Variants in AGMO observed in about 807,000 individuals in gnomAD.
AGMO encodes glyceryl-ether monooxygenase.
AGMO carries 75 observed loss-of-function variants against 60.2 expected under a neutral mutation model. The observed-to-expected ratio is 1.25, with a 90% confidence interval of 1.03 to 1.51. The LOEUF is 1.51. AGMO is among the 40% of genes most tolerant of loss of function. The pLI is 0.00. For synonymous variants in AGMO, 261 were observed against 177.1 expected, an observed-to-expected ratio of 1.47 and a Z score of -3.76; for missense variants, 763 against 525.5, an observed-to-expected ratio of 1.45 and a Z score of -4.42.
intron 12 of AGMO, among the ~76,000 whole-genome samples, chr7:15,229,780 C>A (rs1042816365): frequency 1.4e-5 from 2 of 147,524 alleles, no homozygotes; most frequent in African/African-American, 4.9e-5. Context: ...ATTATTAGAT[C>A]AAAGTATTTG....
At chr7:15,548,057 C>A (rs1330116792) in intron 2 of AGMO, among the ~76,000 whole-genome samples, 1 of 151,702 alleles carries the variant, frequency 6.6e-6, no homozygotes, top group Non-Finnish European at 1.5e-5. Context: ...CAGGGGCACA[C>A]TGACACCTCA....
intron 11 of AGMO, 75 bp downstream of exon 11, chr7:15,366,065 C>T (rs114365486): frequency 0.09 from 95,863 of 1,060,152 alleles, 5,012 homozygotes; most frequent in South Asian, 0.1. Context: ...ACATAATATA[C>T]TGGTATTTTA....
chr7:15,294,234 ATAT>A (rs66526471), intron 12 of AGMO, among the ~76,000 whole-genome samples: 3,485 of 152,122 alleles, frequency 0.023, 122 homozygotes, highest in African/African-American at 0.08. Flanking sequence ...TTTTCTAAAG[ATAT>A]TATCACATAT....
At chr7:15,351,970 T>G (rs1481141864) in intron 12 of AGMO, among the ~76,000 whole-genome samples, 1 of 152,202 alleles carries the variant, frequency 6.6e-6, no homozygotes, top group Non-Finnish European at 1.5e-5. Context: ...AGATAGCATT[T>G]ACATTAGAAT....
chr7:15,247,480 G>GGA (rs1554401101), intron 12 of AGMO, among the ~76,000 whole-genome samples: 92 of 66,370 alleles, frequency 1.4e-3, no homozygotes, highest in Non-Finnish European at 2.5e-3. Context: ...AGAGAGAGAG[G>GGA]GAGAGAGAGG....
intron 12 of AGMO, among the ~76,000 whole-genome samples, chr7:15,224,443 T>TTC (rs140122730): frequency 1.7e-3 from 255 of 151,036 alleles, no homozygotes; most frequent in African/African-American, 5.7e-3. Flanking sequence ...TGTCCTCTCT[T>TTC]TCTCTCTCTC....
chr7:15,395,016 C>G (rs1490559263), intron 5 of AGMO, among the ~76,000 whole-genome samples: 2 of 152,088 alleles, frequency 1.3e-5, no homozygotes, highest in Non-Finnish European at 1.5e-5. Context: ...TATAGCAGCC[C>G]AGATGTAAGA....
the AGMO span, among the ~76,000 whole-genome samples, chr7:15,170,739 G>A: frequency 6.6e-6 from 1 of 151,962 alleles, no homozygotes; most frequent in Non-Finnish European, 1.5e-5. Flanking sequence ...TATCACCTTA[G>A]TTTTTTCCTC....
chr7:15,511,710 A>G (rs1783677548), intron 3 of AGMO, among the ~76,000 whole-genome samples: 1 of 152,254 alleles, frequency 6.6e-6, no homozygotes, highest in African/African-American at 2.4e-5. Context: ...CATTTCACAA[A>G]GTATACATGT....
chr7:15,540,127 T>C (rs755969110), intron 3 of AGMO, among the ~76,000 whole-genome samples: 6 of 152,038 alleles, frequency 3.9e-5, no homozygotes, highest in Non-Finnish European at 7.4e-5. Flanking sequence ...CTACTGCCTA[T>C]AGAACTGAGG....
intron 5 of AGMO, among the ~76,000 whole-genome samples, chr7:15,410,689 T>C (rs993718380): frequency 1.3e-5 from 2 of 151,860 alleles, no homozygotes; most frequent in African/African-American, 2.4e-5. Context: ...TTTTTAGTAC[T>C]TTCTATGTGA....
At chr7:15,272,640 T>C (rs530698621) in intron 12 of AGMO, among the ~76,000 whole-genome samples, 3 of 152,262 alleles carry the variant, frequency 2.0e-5, no homozygotes, top group Non-Finnish European at 4.4e-5. Flanking sequence ...TTTGGGTATA[T>C]ACCCAGTAAT....
chr7:15,518,785 A>G (rs1428576825), intron 3 of AGMO, among the ~76,000 whole-genome samples: 1 of 152,042 alleles, frequency 6.6e-6, no homozygotes, highest in Non-Finnish European at 1.5e-5. Context: ...ACTCCTCGCC[A>G]GCAAGGAAAC....
chr7:15,225,361 G>C (rs1291515404), intron 12 of AGMO, among the ~76,000 whole-genome samples: 14 of 151,766 alleles, frequency 9.2e-5, no homozygotes, highest in Non-Finnish European at 7.4e-5. Context: ...ATTTTCTTAT[G>C]ATATGTTTTT....
chr7:15,509,091 C>G (rs1311903098), intron 3 of AGMO, among the ~76,000 whole-genome samples: 4 of 152,110 alleles, frequency 2.6e-5, no homozygotes, highest in African/African-American at 7.2e-5. Context: ...TAAAAGGAAC[C>G]AGTAGTGTTG....
chr7:15,447,828 A>C (rs1781742687), intron 3 of AGMO, among the ~76,000 whole-genome samples: 1 of 152,116 alleles, frequency 6.6e-6, no homozygotes, highest in African/African-American at 2.4e-5. Context: ...ACTGGAGTAT[A>C]GGCGTGAGCC....
At chr7:15,167,642 C>T in the AGMO span, among the ~76,000 whole-genome samples, 2 of 152,158 alleles carry the variant, frequency 1.3e-5, no homozygotes, top group African/African-American at 4.8e-5. Flanking sequence ...TCTAAGATTG[C>T]AGGGCTAAGA....
chr7:15,370,756 TCTGGTTAAGTTC>T (rs760370231), intron 10 of AGMO, among the ~76,000 whole-genome samples: 14 of 152,180 alleles, frequency 9.2e-5, no homozygotes, highest in Non-Finnish European at 1.8e-4. Context: ...TTCTTGTTGA[TCTGGTTAAGTTC>T]CTTATAGATT....
chr7:15,349,692 C>A (rs1335797471), intron 12 of AGMO, among the ~76,000 whole-genome samples: 1 of 152,128 alleles, frequency 6.6e-6, no homozygotes, highest in Admixed American at 6.6e-5. Context: ...TTAATTGACT[C>A]ACAGTTCTGC....
Sources: gnomAD v4.1 joint callset for allele counts (sites outside exome capture counted in the v4.1 genomes callset) on GRCh38, gnomAD v4.1.1 for gene constraint, MANE v1.5 for transcripts, NCBI Gene and HGNC (gene_info 2026-07-23, HGNC 2026-07-21) for gene names.